The following PCLO variants were observed in gnomAD, a reference collection of about 807,000 sequenced individuals.
PCLO encodes the protein piccolo presynaptic cytomatrix protein.
PCLO carries 82 observed loss-of-function variants against 427.5 expected under a neutral mutation model. The observed-to-expected ratio is 0.19, with a 90% CI of 0.16 to 0.23. The LOEUF (loss-of-function observed/expected upper bound fraction) is 0.23. Ranked by LOEUF, PCLO falls within the 10% of genes least tolerant of loss-of-function variation. PCLO has a pLI of 1.00. For synonymous variants in PCLO, 2,357 were observed against 2,155.4 expected (o/e 1.09, Z -2.59); for missense variants, 6,239 against 6,115.9 (o/e 1.02, Z -0.67).
At chr7:82,937,549 T>C (rs944874930) in intron 6 of PCLO, among the ~76,000 whole-genome samples, 4 of 151,764 alleles carry the variant, frequency 2.6e-5, no homozygotes, top group Non-Finnish European at 5.9e-5. Flanking sequence ...ATCTGAGTAA[T>C]TATGATCTCA....
intron 22 of PCLO, among the ~76,000 whole-genome samples, chr7:82,793,038 C>T (rs1346808151): frequency 2.6e-5 from 4 of 151,276 alleles, no homozygotes; most frequent in East Asian, 1.9e-4. Flanking sequence ...CAGCTTTCTG[C>T]GTACCTATCT....
At chr7:82,822,351 T>G (rs1023215753) in intron 20 of PCLO, 144 bp downstream of exon 20, 2 of 1,512,574 alleles carry the variant, frequency 1.3e-6, no homozygotes, top group South Asian at 1.3e-5. Context: ...TGTATTTATA[T>G]CGTTCTTACA....
intron 3 of PCLO, among the ~76,000 whole-genome samples, chr7:83,092,278 G>T (rs145011640): frequency 0.019 from 2,816 of 152,160 alleles, 91 homozygotes; most frequent in African/African-American, 0.063. Context: ...TTTCAGTCCT[G>T]AAAGATTCTC....
chr7:82,810,538 G>T (rs1339168774), intron 20 of PCLO, among the ~76,000 whole-genome samples: 1 of 151,616 alleles, frequency 6.6e-6, no homozygotes, highest in Admixed American at 6.6e-5. Flanking sequence ...TGCCCTAAAA[G>T]AATAAATCTT....
chr7:82,767,733 A>G (rs989860257), intron 22 of PCLO, among the ~76,000 whole-genome samples: 13 of 152,174 alleles, frequency 8.5e-5, no homozygotes, highest in African/African-American at 3.1e-4. Flanking sequence ...TAACAGAAGA[A>G]TAAATCTGTG....
At chr7:83,024,807 C>G (rs573001001) in intron 3 of PCLO, among the ~76,000 whole-genome samples, 1 of 151,974 alleles carries the variant, frequency 6.6e-6, no homozygotes, top group African/African-American at 2.4e-5. Flanking sequence ...TCCTGACCCC[C>G]GAGCAGCCTA....
intron 22 of PCLO, among the ~76,000 whole-genome samples, chr7:82,779,570 A>C (rs933543718): frequency 1.3e-5 from 2 of 152,104 alleles, no homozygotes; most frequent in African/African-American, 2.4e-5. Context: ...CCTTAACGAA[A>C]GCTTTTAGCT....
chr7:83,044,706 A>G (rs773041069), intron 3 of PCLO, among the ~76,000 whole-genome samples: 2 of 152,162 alleles, frequency 1.3e-5, no homozygotes, highest in Non-Finnish European at 2.9e-5. Context: ...GTAATTTGGA[A>G]CACTAAATTG....
Position 82,916,699 on chromosome 7 carries a change from G to A in PCLO, c.11287C>T (p.Leu3763Phe), listed in dbSNP as rs749321532. ...RTNTMARAKI[L>F]QDIDRELDLV... is the part of the protein sequence containing the mutation. The stretch of plus-strand genomic sequence containing the variant: ...TCAAGCTCTCTGTCTATGTCCTGGA[G>A]AATCTTGGCTCGTGCCATTGTGTTG... The change falls in exon 7 of 25, where the codon CTC becomes TTC. Residue 3763 changes from leucine (L) to phenylalanine (F), a missense_variant. Physicochemically the swap from Leu to Phe is conservative, Grantham distance 22. This residue lies in a region of PCLO where 4,677 missense variants were observed against 4,468.4 expected (regional missense o/e 1.05). Coordinates refer to ENST00000333891, the MANE Select transcript of PCLO (RefSeq NM_033026.6). 2 of 1,613,636 alleles carry A rather than the reference G, an allele frequency of 1.2e-6. No homozygotes were observed. The highest frequency in any genetic ancestry group is 1.7e-5 in the Admixed American group (1 of 59,954).
At chr7:82,808,117 C>G (rs974269211) in intron 20 of PCLO, among the ~76,000 whole-genome samples, 3 of 151,848 alleles carry the variant, frequency 2.0e-5, no homozygotes, top group Non-Finnish European at 4.4e-5. Flanking sequence ...AGCTGTCATA[C>G]TTTTTGATGG....
At chr7:82,858,361 A>G (rs1792860712) in intron 10 of PCLO, among the ~76,000 whole-genome samples, 1 of 152,192 alleles carries the variant, frequency 6.6e-6, no homozygotes, top group Non-Finnish European at 1.5e-5. Context: ...AACTAATATC[A>G]TACTCAATGA....
chr7:82,801,391 C>A lies in PCLO; in HGVS notation c.15007+127G>T, dbSNP rs563786153. On this transcript the variant is annotated intron_variant, in intron 22 of 24. Coordinates refer to ENST00000333891, the MANE Select transcript of PCLO (RefSeq NM_033026.6). ...ATTCTCATTTAATAGATAATGATAT[C>A]TTACTACCTATTGCTTTTGCCATTA... 18 of 565,342 alleles carry A rather than the reference C, an allele frequency of 3.2e-5. No individual in the cohort carries two copies. In the South Asian group the frequency reaches 4.6e-4, roughly 14 times the overall value. 35.0% of individuals were successfully genotyped at this position (565,342 alleles called of 1,614,324 possible).
At chr7:83,048,779 TG>T (rs1789162656) in intron 3 of PCLO, among the ~76,000 whole-genome samples, 5 of 152,134 alleles carry the variant, frequency 3.3e-5, no homozygotes, top group Admixed American at 1.3e-4. Context: ...CACCTACTGA[TG>T]GTTTAAAGAG....
intron 3 of PCLO, among the ~76,000 whole-genome samples, chr7:83,124,463 A>G (rs1791374218): frequency 6.6e-6 from 1 of 152,112 alleles, no homozygotes; most frequent in Admixed American, 6.6e-5. Flanking sequence ...ACTACAATAC[A>G]TTCTCTCACT....
chr7:83,036,545 T>C (rs1361880485), intron 3 of PCLO, among the ~76,000 whole-genome samples: 1 of 152,126 alleles, frequency 6.6e-6, no homozygotes, highest in Non-Finnish European at 1.5e-5. Flanking sequence ...GAAGCAGTTG[T>C]CCTCATGTAT....
chr7:83,143,302 T>C (rs1367050918), intron 2 of PCLO, among the ~76,000 whole-genome samples: 1 of 152,204 alleles, frequency 6.6e-6, no homozygotes, highest in Non-Finnish European at 1.5e-5. Flanking sequence ...CTCACTGTAG[T>C]TGACATCTTT....
chr7:82,816,346 T>C (rs748421014), intron 20 of PCLO, among the ~76,000 whole-genome samples: 15 of 152,062 alleles, frequency 9.9e-5, no homozygotes, highest in Non-Finnish European at 2.1e-4. Context: ...CCTGGTTCCA[T>C]GATCCTCCTA....
chr7:83,093,077 C>G (rs537180673), intron 3 of PCLO, among the ~76,000 whole-genome samples: 19 of 151,692 alleles, frequency 1.3e-4, no homozygotes, highest in Non-Finnish European at 2.7e-4. Context: ...AGAATATTCA[C>G]TCCCTAGAAA....
intron 3 of PCLO, among the ~76,000 whole-genome samples, chr7:83,075,745 A>C (rs1395384953): frequency 6.6e-6 from 1 of 152,150 alleles, no homozygotes; most frequent in African/African-American, 2.4e-5. Flanking sequence ...CACACATATA[A>C]ATACCTTGAT....
Sources: gnomAD v4.1 joint callset for allele counts (sites outside exome capture counted in the v4.1 genomes callset) on GRCh38, gnomAD v4.1.1 for gene constraint, gnomAD v4.1.1 regional missense constraint, MANE v1.5 for transcripts, NCBI Gene and HGNC (gene_info 2026-07-23, HGNC 2026-07-21) for gene names.